Variants in BRI3BP observed in about 807,000 individuals in gnomAD.
BRI3BP encodes the protein BRI3-binding protein.
A neutral mutation model predicts 15.8 loss-of-function variants in BRI3BP; 7 were observed. The ratio of observed to expected loss-of-function variants is 0.44; its 90% CI spans 0.25 to 0.83. The LOEUF (loss-of-function observed/expected upper bound fraction) is 0.83, where lower values mean the gene tolerates loss of function less well. Among genes scored for constraint, BRI3BP ranks in the 40% least tolerant of loss-of-function variants. The pLI is 0.20. For synonymous variants in BRI3BP, 192 were observed against 163.5 expected, an observed-to-expected ratio of 1.17 and a Z score of -1.33; for missense variants, 320 against 339.3, an observed-to-expected ratio of 0.94 and a Z score of 0.45.
In BRI3BP at chr12:125,030,720, A is replaced by C. The variant is rs537650811; in HGVS notation, c.*5290A>C. The C allele has an allele frequency of 1.3e-5, 2 of 152,342 alleles. No individual in the cohort carries two copies. Among genetic ancestry groups the C allele is most frequent in the East Asian group, 1.9e-4 (1 of 5,188 alleles). 9.4% of individuals were successfully genotyped at this position (152,342 alleles called of 1,614,324 possible). On this transcript the variant is annotated 3_prime_UTR_variant, in exon 3 of 3. Transcript: ENST00000341446. ...CTGCATGTGTGTTTAATCTCTGAAT[A>C]CCATGTAATTAAACTGATTAACTTG...
the BRI3BP span, among the ~76,000 whole-genome samples, chr12:125,043,907 C>G: frequency 6.6e-6 from 1 of 151,856 alleles, no homozygotes; most frequent in Non-Finnish European, 1.5e-5. Flanking sequence ...CACCTGTGGT[C>G]CCAGCTACTT....
intron 1 of BRI3BP, among the ~76,000 whole-genome samples, chr12:125,007,051 T>C (rs767340288): frequency 6.6e-6 from 1 of 151,598 alleles, no homozygotes; most frequent in Non-Finnish European, 1.5e-5. Context: ...ATATAAAAAT[T>C]AGCCAGGTAT....
chr12:125,034,601 T>TG (rs552516173), downstream of BRI3BP, among the ~76,000 whole-genome samples: 131 of 152,086 alleles, frequency 8.6e-4, 1 homozygote, highest in African/African-American at 3.1e-3. Flanking sequence ...TTTTTTTTTT[T>TG]GGGCTGGGGA....
chr12:125,024,778 A>C (rs1024357342), intron 2 of BRI3BP, among the ~76,000 whole-genome samples: 2 of 152,066 alleles, frequency 1.3e-5, no homozygotes, highest in Non-Finnish European at 1.5e-5. Context: ...CAGCCTGGGC[A>C]ACAGAGCAAG....
chr12:125,002,815 G>A (rs1398659275), intron 1 of BRI3BP, among the ~76,000 whole-genome samples: 1 of 152,086 alleles, frequency 6.6e-6, no homozygotes, highest in Non-Finnish European at 1.5e-5. Flanking sequence ...TATCTCCTCC[G>A]GGTTAGGCTC....
chr12:125,047,817 C>T, the BRI3BP span, among the ~76,000 whole-genome samples: 1 of 152,110 alleles, frequency 6.6e-6, no homozygotes, highest in African/African-American at 2.4e-5. Context: ...CTGCCTCAGC[C>T]TCCCGAGTAG....
chr12:124,997,667 G>A (rs780599891), intron 1 of BRI3BP, among the ~76,000 whole-genome samples: 39 of 152,236 alleles, frequency 2.6e-4, no homozygotes, highest in Middle Eastern at 3.4e-3. Flanking sequence ...CTGGTAGGAG[G>A]TAATAGACTT....
intron 1 of BRI3BP, among the ~76,000 whole-genome samples, chr12:125,002,927 C>T (rs971418998): frequency 5.9e-5 from 9 of 152,204 alleles, no homozygotes; most frequent in Non-Finnish European, 1.3e-4. Flanking sequence ...CCATCGCATT[C>T]TCGTTGGTTG....
rs775203129 is a variant in BRI3BP at position 125,025,064 on chromosome 12, C to T, written c.390C>T (p.Gly130=). 3.7e-6 allele frequency: 6 copies of T among 1,613,388 alleles called. No individual in the cohort carries two copies. The African/African-American group carries it at 8.0e-5, about 22-fold the overall frequency. The change falls in exon 3 of 3, where the codon GGC becomes GGT. Residue 130 remains glycine (G), a synonymous_variant. Transcript: ENST00000341446. ...CGGCCCGCGCGCTCCTGCTGGTCGG[C>T]GTCGTCCTCCTGGCCTACTGGTTCT... The part of the protein sequence containing the change: ...SSPARALLLV[G]VVLLAYWFLS...
At chr12:124,996,861 C>T (rs941723753) in intron 1 of BRI3BP, among the ~76,000 whole-genome samples, 3 of 147,654 alleles carry the variant, frequency 2.0e-5, no homozygotes, top group Non-Finnish European at 4.4e-5. Flanking sequence ...CAGGTTCAAA[C>T]AATTCTCCTG....
the BRI3BP span, among the ~76,000 whole-genome samples, chr12:125,040,681 A>G: frequency 6.6e-4 from 100 of 151,592 alleles, 1 homozygote; most frequent in African/African-American, 2.3e-3. Context: ...TACATTGTTT[A>G]TGGTCACATG....
intron 1 of BRI3BP, among the ~76,000 whole-genome samples, chr12:124,998,874 T>G (rs1017814931): frequency 1.3e-5 from 2 of 152,052 alleles, no homozygotes; most frequent in African/African-American, 4.8e-5. Flanking sequence ...CCCAGGAGTT[T>G]GAGACCAGCC....
chr12:124,993,794 G>GGC lies in BRI3BP; in HGVS notation c.13_14dup (p.Ser6ProfsTer72). The stretch of plus-strand genomic sequence containing the variant: ...CCCCGCGCCCCGCCGGCCGAGCATG[G>GGC]GCGCGCGCGCCTCAGGCGGGCCCCT... On this transcript the variant is annotated frameshift_variant, in exon 1 of 3. Coordinates refer to ENST00000341446, the MANE Select transcript of BRI3BP (RefSeq NM_080626.6). LOFTEE classifies it high-confidence loss of function. The GGC allele has an allele frequency of 9.5e-7, 1 of 1,047,492 alleles. No individual in the cohort carries two copies. Among genetic ancestry groups the GGC allele is most frequent in the Non-Finnish European group, 1.1e-6 (1 of 874,326 alleles). The allele number at this position is 1,047,492 out of a possible 1,614,324, so 64.9% of individuals were successfully genotyped here. A position where few individuals can be genotyped will look rare whatever the true frequency, so the allele number is the denominator to read the frequency against.
the BRI3BP span, among the ~76,000 whole-genome samples, chr12:125,047,576 A>C: frequency 6.6e-6 from 1 of 150,902 alleles, no homozygotes; most frequent in Non-Finnish European, 1.5e-5. Context: ...GGGTTTTGCC[A>C]TGTTGGCCAG....
rs1955337203 is a variant in BRI3BP, at chr12:125,024,997, A to G, written c.323A>G (p.Asn108Ser). The G allele has an allele frequency of 5.0e-6, 8 of 1,612,006 alleles. No homozygotes were observed. The highest frequency in any genetic ancestry group is 6.8e-6 in the Non-Finnish European group (8 of 1,179,078). Residue 108 changes from asparagine to serine, a missense_variant, in exon 3 of 3, where the codon AAC becomes AGC. Asn to Ser is a conservative substitution (Grantham distance 46, BLOSUM62 1). Coordinates refer to ENST00000341446, the MANE Select transcript of BRI3BP (RefSeq NM_080626.6). Reference sequence around the variant, plus strand: ...CCTCTTTTCTGTCCCGCAGTCTCCAACCTGTCCCAGTATTTCAGCCCAGCC... The same window carrying G: ...CCTCTTTTCTGTCCCGCAGTCTCCAGCCTGTCCCAGTATTTCAGCCCAGCC... The part of the protein sequence containing the change: ...LLDVLGLDVS[N>S]LSQYFSPASV...
At chr12:125,002,067 T>C (rs1955096433) in intron 1 of BRI3BP, among the ~76,000 whole-genome samples, 1 of 152,206 alleles carries the variant, frequency 6.6e-6, no homozygotes, top group African/African-American at 2.4e-5. Flanking sequence ...GCAGGATCAA[T>C]ACTTTATTCC....
intron 2 of BRI3BP, among the ~76,000 whole-genome samples, chr12:125,021,356 C>T (rs912719195): frequency 5.9e-5 from 9 of 152,226 alleles, no homozygotes; most frequent in African/African-American, 2.2e-4. Context: ...GGCTTCCCAT[C>T]TCAGGCCTGC....
chr12:125,003,058 T>G (rs1955109558), intron 1 of BRI3BP, among the ~76,000 whole-genome samples: 1 of 152,238 alleles, frequency 6.6e-6, no homozygotes, highest in Admixed American at 6.5e-5. Context: ...TTCATCTGGC[T>G]TTTGCATTTC....
At chr12:125,013,957 C>A (rs1186495094) in intron 2 of BRI3BP, among the ~76,000 whole-genome samples, 1 of 152,192 alleles carries the variant, frequency 6.6e-6, no homozygotes, top group Non-Finnish European at 1.5e-5. Flanking sequence ...CAGCCTTACA[C>A]TCCCCTTCCC....
Sources: gnomAD v4.1 joint callset for allele counts (sites outside exome capture counted in the v4.1 genomes callset) on GRCh38, gnomAD v4.1.1 for gene constraint, MANE v1.5 for transcripts, NCBI Gene and HGNC (gene_info 2026-07-23, HGNC 2026-07-21) for gene names.